MACROD2: variants seen among roughly 807,000 people sequenced by gnomAD.
The protein encoded by MACROD2 is ADP-ribose glycohydrolase MACROD2.
A neutral mutation model predicts 70.4 loss-of-function variants in MACROD2; 36 were observed. The ratio of observed to expected loss-of-function variants is 0.51; its 90% CI spans 0.39 to 0.68. The LOEUF is 0.68. Among genes scored for constraint, MACROD2 ranks in the 30% least tolerant of loss-of-function variants. MACROD2 has a pLI of 0.00. For synonymous variants in MACROD2, 172 were observed against 178.8 expected (o/e 0.96, Z 0.30); for missense variants, 496 against 538.4 (o/e 0.92, Z 0.78).
At chr20:15,483,374 G>C (rs906301533) in intron 7 of MACROD2, among the ~76,000 whole-genome samples, 1 of 152,054 alleles carries the variant, frequency 6.6e-6, no homozygotes, top group East Asian at 1.9e-4. Context: ...ATTTACGAGG[G>C]TCTATTTATG....
At chr20:14,728,699 T>C (rs2071558774) in intron 5 of MACROD2, among the ~76,000 whole-genome samples, 2 of 152,220 alleles carry the variant, frequency 1.3e-5, no homozygotes, top group African/African-American at 4.8e-5. Flanking sequence ...ATTAGTTCAG[T>C]GTTTCATTCA....
chr20:15,263,429 A>G (rs1254518039), intron 6 of MACROD2, among the ~76,000 whole-genome samples: 1 of 152,062 alleles, frequency 6.6e-6, no homozygotes, highest in African/African-American at 2.4e-5. Flanking sequence ...TTTGGTTACT[A>G]TAGCTCTGTA....
intron 2 of MACROD2, among the ~76,000 whole-genome samples, chr20:14,036,422 G>C (rs2053310861): frequency 6.6e-6 from 1 of 152,134 alleles, no homozygotes; most frequent in Non-Finnish European, 1.5e-5. Context: ...CCAGGAGTCT[G>C]CACTGTTAAC....
chr20:14,957,807 C>T (rs921591682), intron 5 of MACROD2, among the ~76,000 whole-genome samples: 1 of 152,154 alleles, frequency 6.6e-6, no homozygotes, highest in African/African-American at 2.4e-5. Flanking sequence ...TTGTCATCTA[C>T]TTAATATCTC....
chr20:15,241,244 T>C (rs1204209022), intron 6 of MACROD2, among the ~76,000 whole-genome samples: 1 of 152,216 alleles, frequency 6.6e-6, no homozygotes, highest in Non-Finnish European at 1.5e-5. Flanking sequence ...CTGACAGATA[T>C]GTTTTAAGCA....
chr20:14,419,540 G>A (rs1238785166), intron 3 of MACROD2, among the ~76,000 whole-genome samples: 1 of 152,098 alleles, frequency 6.6e-6, no homozygotes, highest in African/African-American at 2.4e-5. Context: ...TCATTTACTT[G>A]CCTGGATTAA....
chr20:15,265,206 C>G (rs1417082749), intron 6 of MACROD2, among the ~76,000 whole-genome samples: 1 of 152,138 alleles, frequency 6.6e-6, no homozygotes, highest in Non-Finnish European at 1.5e-5. Flanking sequence ...TTTCCTGTTC[C>G]CAGGTTTTCT....
intron 5 of MACROD2, chr20:14,757,468 T>A (rs2071956175): frequency 2.0e-6 from 1 of 497,240 alleles, no homozygotes; most frequent in East Asian, 3.2e-5. Context: ...AATAACGTTA[T>A]TTTTCTTAGG....
At chr20:15,591,185 G>T (rs1291788923) in intron 8 of MACROD2, among the ~76,000 whole-genome samples, 1 of 152,158 alleles carries the variant, frequency 6.6e-6, no homozygotes, top group Non-Finnish European at 1.5e-5. Context: ...CTGGGCCTCA[G>T]ACAGAGAGAA....
In MACROD2 at chr20:14,163,335, C is replaced by G. The variant is rs556550062; in HGVS notation, c.271+77607C>G. Among the ~76,000 whole-genome samples the G allele has an allele frequency of 2.0e-5, 3 of 152,120 alleles. No homozygotes were observed. The South Asian group carries it at 6.2e-4, about 32-fold the overall frequency. On this transcript the variant is annotated intron_variant, in intron 3 of 17. Transcript: ENST00000684519. The stretch of plus-strand genomic sequence containing the variant: ...ATCTGCTGTTAGTCTGATGGGGATT[C>G]CTTTATAAATGATTAGATACTTTTT...
At chr20:14,076,001 T>G (rs941583597) in intron 2 of MACROD2, among the ~76,000 whole-genome samples, 2 of 152,172 alleles carry the variant, frequency 1.3e-5, no homozygotes, top group African/African-American at 4.8e-5. Context: ...TAAAAAACAT[T>G]AACTCTCATA....
intron 4 of MACROD2, among the ~76,000 whole-genome samples, chr20:14,534,359 A>G (rs1350158906): frequency 2.0e-5 from 3 of 152,234 alleles, no homozygotes; most frequent in Admixed American, 2.0e-4. Flanking sequence ...GATGTGGTGA[A>G]CTTTAAGAAA....
In MACROD2 at chr20:14,277,697, T is replaced by TA. The variant is rs966763945; in HGVS notation, c.271+191978dup. Among the ~76,000 whole-genome samples the TA allele has an allele frequency of 5.3e-5, 8 of 150,282 alleles. No homozygotes were observed. In the South Asian group the frequency reaches 8.4e-4, roughly 16 times the overall value. ...ACTTTAGTGCCAGGCATTGTACTCTTAAAAAAAAAGAGAGAGTGAGAGAGA... is the reference window on the plus strand; with the variant it reads ...ACTTTAGTGCCAGGCATTGTACTCTTAAAAAAAAAAGAGAGAGTGAGAGAGA... On this transcript the variant is annotated intron_variant, in intron 3 of 17. Transcript: ENST00000684519.
At chr20:14,039,113 T>C (rs2053355164) in intron 2 of MACROD2, among the ~76,000 whole-genome samples, 1 of 152,222 alleles carries the variant, frequency 6.6e-6, no homozygotes, top group African/African-American at 2.4e-5. Context: ...TTTCTAGTTC[T>C]AAAGATTGGT....
chr20:15,475,840 C>T (rs771387897), intron 7 of MACROD2, among the ~76,000 whole-genome samples: 1 of 152,212 alleles, frequency 6.6e-6, no homozygotes, highest in Non-Finnish European at 1.5e-5. Flanking sequence ...TGGCAGAAAA[C>T]ATTCAATCCC....
chr20:15,193,399 T>G (rs2076584493), intron 5 of MACROD2, among the ~76,000 whole-genome samples: 1 of 152,110 alleles, frequency 6.6e-6, no homozygotes, highest in Admixed American at 6.6e-5. Context: ...TGGGAGATGC[T>G]TGGAAGGCTG....
intron 10 of MACROD2, among the ~76,000 whole-genome samples, chr20:15,904,008 T>C (rs1214463481): frequency 2.0e-5 from 3 of 152,242 alleles, no homozygotes; most frequent in Non-Finnish European, 4.4e-5. Context: ...CCGCCACTAC[T>C]GAATCCAGAA....
intron 4 of MACROD2, among the ~76,000 whole-genome samples, chr20:14,525,369 G>T (rs976846548): frequency 2.0e-5 from 3 of 152,310 alleles, no homozygotes; most frequent in Non-Finnish European, 4.4e-5. Context: ...TGATAGTGAT[G>T]ATCACTAATG....
chr20:15,390,721 C>T (rs982842308), intron 6 of MACROD2, among the ~76,000 whole-genome samples: 3 of 152,114 alleles, frequency 2.0e-5, no homozygotes, highest in African/African-American at 7.2e-5. Flanking sequence ...AGGAATACAA[C>T]TCATTTATGA....
Sources: allele counts gnomAD v4.1 joint callset (sites outside exome capture counted in the v4.1 genomes callset), GRCh38; gene constraint gnomAD v4.1.1; transcripts MANE v1.5; gene names NCBI Gene and HGNC (gene_info 2026-07-23, HGNC 2026-07-21).